The following CDK15 variants were observed in gnomAD, a reference collection of about 807,000 sequenced individuals.
CDK15 encodes cyclin-dependent kinase 15.
A neutral mutation model predicts 60.3 loss-of-function variants in CDK15; 62 were observed. That is an observed-to-expected ratio of 1.03 (90% CI 0.84 to 1.27). The LOEUF (loss-of-function observed/expected upper bound fraction) is 1.27, where lower values mean the gene tolerates loss of function less well. Among genes scored for constraint, CDK15 ranks in the 50% most tolerant of loss-of-function variants. The pLI is 0.00. For synonymous variants in CDK15, 194 were observed against 195.7 expected, an observed-to-expected ratio of 0.99 and a Z score of 0.07; for missense variants, 541 against 527.8, an observed-to-expected ratio of 1.03 and a Z score of -0.25.
At chr2:201,889,090 C>A (rs1699556386) in intron 12 of CDK15, 23 of 985,306 alleles carry the variant, frequency 2.3e-5, no homozygotes, top group Non-Finnish European at 2.8e-5. Context: ...CCAGATTACC[C>A]ACAGCATTTA....
At chr2:201,834,738 T>C (rs1183029035) in intron 7 of CDK15, among the ~76,000 whole-genome samples, 1 of 152,216 alleles carries the variant, frequency 6.6e-6, no homozygotes, top group Non-Finnish European at 1.5e-5. Context: ...AAACTGGCTC[T>C]ATGTGAGCTA....
chr2:201,852,037 G>A (rs1697935316), intron 9 of CDK15, among the ~76,000 whole-genome samples: 1 of 152,140 alleles, frequency 6.6e-6, no homozygotes, highest in African/African-American at 2.4e-5. Flanking sequence ...CTTATCAAAT[G>A]TATGGCTTGC....
At chr2:201,865,697 C>T (rs927349810) in intron 10 of CDK15, among the ~76,000 whole-genome samples, 1 of 151,932 alleles carries the variant, frequency 6.6e-6, no homozygotes, top group East Asian at 1.9e-4. Context: ...CAAGACCAGC[C>T]TGGCCAACAT....
At chr2:201,889,470 A>G in intron 12 of CDK15, 1 of 945,220 alleles carries the variant, frequency 1.1e-6, no homozygotes, top group Non-Finnish European at 1.3e-6. Flanking sequence ...TGTTTTGCAT[A>G]TATTATCTTC....
chr2:201,844,503 A>G (rs1378926630), intron 8 of CDK15, among the ~76,000 whole-genome samples: 1 of 152,242 alleles, frequency 6.6e-6, no homozygotes, highest in Non-Finnish European at 1.5e-5. Flanking sequence ...CAAAAAGAAC[A>G]TGGATATTTA....
chr2:201,871,519 G>C (rs576961209), intron 10 of CDK15, among the ~76,000 whole-genome samples: 19 of 150,910 alleles, frequency 1.3e-4, no homozygotes, highest in Non-Finnish European at 2.4e-4. Context: ...CACATTTCAC[G>C]CGCGTATACT....
At chr2:201,810,393 A>G (rs1332323180) in intron 3 of CDK15, among the ~76,000 whole-genome samples, 1 of 152,090 alleles carries the variant, frequency 6.6e-6, no homozygotes. Context: ...AAGAAGATGA[A>G]AGCGAAAAGC....
At chr2:201,808,017 T>C in intron 3 of CDK15, 65 bp downstream of exon 3, 1 of 1,383,286 alleles carries the variant, frequency 7.2e-7, no homozygotes, top group East Asian at 2.3e-5. Context: ...TTTCATATTA[T>C]AAAGCCAGGT....
intron 3 of CDK15, among the ~76,000 whole-genome samples, chr2:201,812,255 A>G (rs1695810345): frequency 6.6e-6 from 1 of 151,890 alleles, no homozygotes; most frequent in Admixed American, 6.6e-5. Context: ...CAAATTTTCT[A>G]TAATGGACAT....
chr2:201,826,904 G>T (rs1696532976), intron 6 of CDK15, among the ~76,000 whole-genome samples: 1 of 152,088 alleles, frequency 6.6e-6, no homozygotes, highest in South Asian at 2.1e-4. Flanking sequence ...TAAAGCACTG[G>T]CCTGGTCTAA....
intron 2 of CDK15, 50 bp downstream of exon 2, chr2:201,807,693 T>A (rs1695575814): frequency 6.2e-7 from 1 of 1,607,582 alleles, no homozygotes; most frequent in African/African-American, 1.3e-5. Flanking sequence ...TGAGCTTGTC[T>A]ACGGAGGCCG....
intron 11 of CDK15, among the ~76,000 whole-genome samples, chr2:201,878,206 G>A (rs533659287): frequency 5.9e-5 from 9 of 152,282 alleles, no homozygotes; most frequent in Admixed American, 5.9e-4. Context: ...GGAGTTGGGT[G>A]TACATAAATG....
At chr2:201,884,152 AT>A (rs748532497) in intron 12 of CDK15, among the ~76,000 whole-genome samples, 75 of 152,322 alleles carry the variant, frequency 4.9e-4, no homozygotes, top group South Asian at 1.4e-3. Context: ...TCTTTAAGCC[AT>A]GGTCCTTGAT....
chr2:201,869,722 A>G (rs1401770450), intron 10 of CDK15, among the ~76,000 whole-genome samples: 1 of 152,126 alleles, frequency 6.6e-6, no homozygotes, highest in African/African-American at 2.4e-5. Context: ...GTATTAAAAT[A>G]TTGGAGGCCA....
chr2:201,871,592 A>G (rs1172647544), intron 10 of CDK15, among the ~76,000 whole-genome samples: 5 of 151,754 alleles, frequency 3.3e-5, no homozygotes, highest in African/African-American at 4.8e-5. Context: ...TCTGTTTTGT[A>G]TTCTTCCCAG....
chr2:201,870,412 TA>T (rs569424465), intron 10 of CDK15, among the ~76,000 whole-genome samples: 34 of 151,568 alleles, frequency 2.2e-4, no homozygotes, highest in South Asian at 1.7e-3. Context: ...AAGAGATTTT[TA>T]AAACCAAAAT....
intron 2 of CDK15, 89 bp downstream of exon 2, chr2:201,807,732 G>C (rs1303191067): frequency 1.3e-6 from 2 of 1,570,982 alleles, no homozygotes; most frequent in Non-Finnish European, 1.7e-6. Flanking sequence ...ATTACTGAGC[G>C]AGCCTTCCCA....
intron 8 of CDK15, among the ~76,000 whole-genome samples, chr2:201,837,500 AAGGAAG>A (rs1697180927): frequency 3.4e-5 from 5 of 146,366 alleles, no homozygotes; most frequent in African/African-American, 1.0e-4. Context: ...GGAAGGAAGG[AAGGAAG>A]GAAGGAAAGA....
At chr2:201,883,677 C>T (rs1213742935) in intron 12 of CDK15, among the ~76,000 whole-genome samples, 3 of 152,192 alleles carry the variant, frequency 2.0e-5, no homozygotes, top group African/African-American at 2.4e-5. Flanking sequence ...TATTGGTAGT[C>T]CCTCTCAAAA....
Sources: gnomAD v4.1 joint callset for allele counts (sites outside exome capture counted in the v4.1 genomes callset) on GRCh38, gnomAD v4.1.1 for gene constraint, MANE v1.5 for transcripts, NCBI Gene and HGNC (gene_info 2026-07-23, HGNC 2026-07-21) for gene names.